Variants in SYN3 observed in about 807,000 individuals in gnomAD.
SYN3 encodes synapsin III.
SYN3 carries 35 observed loss-of-function variants against 65.8 expected under a neutral mutation model. The ratio of observed to expected loss-of-function variants is 0.53; its 90% CI spans 0.41 to 0.70. The LOEUF (loss-of-function observed/expected upper bound fraction) is 0.70, where lower values mean the gene tolerates loss of function less well. SYN3 is among the 30% of genes least tolerant of loss of function. The pLI, the probability that SYN3 is intolerant of heterozygous loss-of-function variation, is 0.00. For synonymous variants in SYN3, 270 were observed against 292.9 expected (o/e 0.92, Z 0.80); for missense variants, 680 against 749.0 (o/e 0.91, Z 1.08).
intron 6 of SYN3, among the ~76,000 whole-genome samples, chr22:32,707,041 A>G (rs997255738): frequency 2.0e-5 from 3 of 152,188 alleles, no homozygotes; most frequent in Admixed American, 6.5e-5. Flanking sequence ...ATGTCCTTCT[A>G]TGACTTTTAC....
intron 6 of SYN3, among the ~76,000 whole-genome samples, chr22:32,832,803 C>T (rs1371086756): frequency 6.6e-6 from 1 of 152,094 alleles, no homozygotes; most frequent in African/African-American, 2.4e-5. Context: ...TACTGGCTTC[C>T]TGCAGCCTCA....
At chr22:32,847,539 A>G (rs1321615597) in intron 6 of SYN3, among the ~76,000 whole-genome samples, 2 of 152,232 alleles carry the variant, frequency 1.3e-5, no homozygotes, top group African/African-American at 4.8e-5. Context: ...GGTAGGATCC[A>G]AGCTCATTTG....
At chr22:32,722,887 T>C (rs1161183812) in intron 6 of SYN3, among the ~76,000 whole-genome samples, 1 of 152,208 alleles carries the variant, frequency 6.6e-6, no homozygotes, top group Non-Finnish European at 1.5e-5. Context: ...ATGTGAAATA[T>C]GGGAATAATA....
intron 3 of SYN3, 143 bp downstream of exon 3, chr22:32,980,502 A>G (rs952569672): frequency 2.7e-6 from 2 of 730,348 alleles, no homozygotes; most frequent in Non-Finnish European, 4.7e-6. Context: ...AAATTTAATG[A>G]GACTCCCAAG....
intron 4 of SYN3, among the ~76,000 whole-genome samples, chr22:32,877,986 T>C (rs1201635620): frequency 1.3e-5 from 2 of 152,214 alleles, no homozygotes; most frequent in African/African-American, 2.4e-5. Context: ...TCATGATAAC[T>C]CTACAAGGTA....
chr22:32,974,787 C>A (rs548948791), intron 3 of SYN3, among the ~76,000 whole-genome samples: 1 of 152,248 alleles, frequency 6.6e-6, no homozygotes, highest in African/African-American at 2.4e-5. Flanking sequence ...TATTGAGCAC[C>A]TAATACATGT....
At chr22:32,792,243 A>AT (rs11459067) in intron 6 of SYN3, among the ~76,000 whole-genome samples, 41,504 of 152,078 alleles carry the variant, frequency 0.27, 6,427 homozygotes, top group African/African-American at 0.43. Flanking sequence ...GCAAAGAAGG[A>AT]TAAAACTCAG....
At chr22:32,517,143 T>C (rs758278838) in intron 13 of SYN3, among the ~76,000 whole-genome samples, 5 of 152,230 alleles carry the variant, frequency 3.3e-5, no homozygotes, top group Non-Finnish European at 7.3e-5. Flanking sequence ...TGTGACTTCA[T>C]GGCTCCTCCT....
At chr22:32,840,400 A>C (rs992090062) in intron 6 of SYN3, among the ~76,000 whole-genome samples, 1 of 151,992 alleles carries the variant, frequency 6.6e-6, no homozygotes, top group Non-Finnish European at 1.5e-5. Flanking sequence ...GACAAGAGAG[A>C]AGGGCCCTGG....
In SYN3 at chr22:32,869,330, TTC is replaced by T. The variant is rs59752570; in HGVS notation, c.462-207_462-206del. 3.9e-3 allele frequency among the ~76,000 whole-genome samples: 469 copies of T among 121,024 alleles called. 6 individuals carry two copies. The highest frequency in any genetic ancestry group is 9.0e-3 in the Middle Eastern group (2 of 222). 79.4% of individuals were successfully genotyped at this position (121,024 alleles called of 152,430 possible). ...CAAAGGGCTGGAAACACTATATATA[TTC>T]TCTCTCTCTCTCTCTCTCTCTCTCT... On this transcript the variant is annotated intron_variant, in intron 4 of 13. Coordinates refer to ENST00000358763, the MANE Select transcript of SYN3 (RefSeq NM_003490.4).
chr22:32,569,569 CTCTA>C (rs1178038558), intron 7 of SYN3, among the ~76,000 whole-genome samples: 134 of 76,472 alleles, frequency 1.8e-3, no homozygotes, highest in East Asian at 9.7e-3. Flanking sequence ...CTCTCTCTCT[CTCTA>C]TATATATATA....
chr22:32,942,024 G>T lies in SYN3; in HGVS notation c.370-10543C>A, dbSNP rs139663997. On this transcript the variant is annotated intron_variant, in intron 3 of 13. Transcript: ENST00000358763. ...CTGTAGACTCCACCTCTGGGGGCAG[G>T]GCATAGCCGAACAAAAGGCAGCAGA... Among the ~76,000 whole-genome samples the T allele has an allele frequency of 9.8e-3, 1,498 of 152,342 alleles. 23 individuals are homozygous for T. Among genetic ancestry groups the T allele is most frequent in the African/African-American group, 0.034 (1,431 of 41,580 alleles).
intron 6 of SYN3, among the ~76,000 whole-genome samples, chr22:32,772,186 G>C (rs1432048145): frequency 6.6e-6 from 1 of 152,084 alleles, no homozygotes; most frequent in Non-Finnish European, 1.5e-5. Context: ...CCACAGGGGG[G>C]GAGAAAAGCA....
intron 6 of SYN3, among the ~76,000 whole-genome samples, chr22:32,813,372 G>C (rs535611574): frequency 6.6e-6 from 1 of 152,200 alleles, no homozygotes; most frequent in South Asian, 2.1e-4. Context: ...TTCTGGAGGG[G>C]ACAGCTGCTG....
At chr22:32,720,637 C>G (rs962018525) in intron 6 of SYN3, among the ~76,000 whole-genome samples, 1 of 152,242 alleles carries the variant, frequency 6.6e-6, no homozygotes, top group South Asian at 2.1e-4. Flanking sequence ...ATCACCACCA[C>G]TGTGCTAACT....
At chr22:32,833,903 A>G in intron 6 of SYN3, 3 of 498,494 alleles carry the variant, frequency 6.0e-6, no homozygotes, top group Non-Finnish European at 1.2e-5. Flanking sequence ...TAATAATAGT[A>G]TTAGAATTAG....
intron 6 of SYN3, among the ~76,000 whole-genome samples, chr22:32,611,892 G>A (rs1228618189): frequency 2.0e-5 from 3 of 152,172 alleles, no homozygotes; most frequent in African/African-American, 7.2e-5. Context: ...CCAGATTGAG[G>A]CTTGAATCTT....
intron 4 of SYN3, 26 bp downstream of exon 4, chr22:32,931,364 G>C (rs1427564301): frequency 2.0e-6 from 3 of 1,509,340 alleles, no homozygotes; most frequent in Non-Finnish European, 2.8e-6. Flanking sequence ...TTCTCAGAAG[G>C]TTCTGCATAT....
chr22:33,014,969 G>C (rs2053434285), intron 1 of SYN3: 1 of 188,164 alleles, frequency 5.3e-6, no homozygotes, highest in African/African-American at 2.4e-5. Context: ...TAATTTACAT[G>C]ATAAATGAAA....
Sources: allele counts gnomAD v4.1 joint callset (sites outside exome capture counted in the v4.1 genomes callset), GRCh38; gene constraint gnomAD v4.1.1; transcripts MANE v1.5; gene names NCBI Gene and HGNC (gene_info 2026-07-23, HGNC 2026-07-21).